The following PDE4D variants were observed in gnomAD, a reference collection of about 807,000 sequenced individuals.
The protein encoded by PDE4D is phosphodiesterase 4D.
A neutral mutation model predicts 87.4 loss-of-function variants in PDE4D; 24 were observed. The observed-to-expected ratio is 0.27, with a 90% confidence interval of 0.20 to 0.39. PDE4D has a LOEUF of 0.39. Among genes scored for constraint, PDE4D ranks in the 10% least tolerant of loss-of-function variants. The pLI is 1.00. For missense variants in PDE4D, 714 were observed against 1,041.0 expected (o/e 0.69, Z 4.32); for synonymous variants, 384 against 383.2 (o/e 1.00, Z -0.02).
chr5:60,438,107 G>A (rs988897422), intron 1 of PDE4D, among the ~76,000 whole-genome samples: 2 of 152,102 alleles, frequency 1.3e-5, no homozygotes, highest in Admixed American at 6.6e-5. Flanking sequence ...GATAGCATTC[G>A]TCTGTTCTGA....
chr5:59,676,243 G>C (rs1257471043), intron 1 of PDE4D, among the ~76,000 whole-genome samples: 5 of 152,120 alleles, frequency 3.3e-5, no homozygotes, highest in East Asian at 1.9e-4. Context: ...TAAGTAACTA[G>C]TTTTAATCAA....
At chr5:59,186,226 T>A (rs1439210917) in intron 3 of PDE4D, among the ~76,000 whole-genome samples, 1 of 152,190 alleles carries the variant, frequency 6.6e-6, no homozygotes, top group African/African-American at 2.4e-5. Flanking sequence ...TGTCTGGCTC[T>A]GTTATGTAGT....
intron 1 of PDE4D, among the ~76,000 whole-genome samples, chr5:59,424,789 G>A (rs1355382579): frequency 6.6e-6 from 1 of 152,148 alleles, no homozygotes; most frequent in African/African-American, 2.4e-5. Context: ...TTGCTATTAG[G>A]ATGAGCTGGT....
chr5:60,284,443 G>T (rs1752224504), intron 1 of PDE4D, among the ~76,000 whole-genome samples: 2 of 152,148 alleles, frequency 1.3e-5, no homozygotes, highest in Non-Finnish European at 1.5e-5. Flanking sequence ...TCACCCCAAA[G>T]TAATCAATGC....
chr5:60,460,020 G>C, intron 1 of PDE4D: 2 of 1,219,032 alleles, frequency 1.6e-6, no homozygotes, highest in Non-Finnish European at 2.4e-6. Flanking sequence ...GAACCAAGTA[G>C]TACTGTAATG....
chr5:60,410,037 T>C (rs1741913382), intron 1 of PDE4D, among the ~76,000 whole-genome samples: 1 of 152,096 alleles, frequency 6.6e-6, no homozygotes, highest in Admixed American at 6.5e-5. Flanking sequence ...CCAAGGACAT[T>C]TGGAGGGAGT....
At chr5:59,658,404 C>T (rs1489513576) in intron 1 of PDE4D, among the ~76,000 whole-genome samples, 3 of 150,764 alleles carry the variant, frequency 2.0e-5, no homozygotes, top group Non-Finnish European at 4.4e-5. Flanking sequence ...TTTTTTGAGA[C>T]GGAGTCTCGC....
In PDE4D at chr5:59,762,513, T is replaced by TATATGGGTACAC. The variant is rs1213862320; in HGVS notation, c.455+130654_455+130655insGTGTACCCATAT. Among the ~76,000 whole-genome samples the TATATGGGTACAC allele has an allele frequency of 7.1e-4, 88 of 124,096 alleles. 3 individuals carry two copies. The highest frequency in any genetic ancestry group is 2.8e-3 in the African/African-American group (80 of 28,148). 81.4% of individuals were successfully genotyped at this position (124,096 alleles called of 152,430 possible). On this transcript the variant is annotated intron_variant, in intron 1 of 14. Coordinates refer to ENST00000340635, the MANE Select transcript of PDE4D (RefSeq NM_001104631.2). ...ATGTGTATATGGGTACACATATGTG[T>TATATGGGTACAC]ATATGTGTATATGGGTACACATGTG...
intron 1 of PDE4D, among the ~76,000 whole-genome samples, chr5:59,744,840 T>C (rs1009860293): frequency 1.3e-4 from 20 of 152,110 alleles, no homozygotes; most frequent in Non-Finnish European, 2.2e-4. Context: ...GCAAAGACAG[T>C]GTTGTATTTT....
At chr5:60,085,626 G>C (rs898145673) in intron 2 of PDE4D, among the ~76,000 whole-genome samples, 5 of 152,202 alleles carry the variant, frequency 3.3e-5, no homozygotes, top group Non-Finnish European at 2.9e-5. Context: ...AGGTAAGAAA[G>C]TGATGGAGGG....
intron 5 of PDE4D, among the ~76,000 whole-genome samples, chr5:59,111,901 A>G (rs1049622581): frequency 1.3e-5 from 2 of 152,220 alleles, no homozygotes; most frequent in Admixed American, 1.3e-4. Context: ...ATATATCTGT[A>G]TCAGTGAACA....
chr5:60,018,296 G>A (rs1181484769), intron 2 of PDE4D, among the ~76,000 whole-genome samples: 1 of 152,114 alleles, frequency 6.6e-6, no homozygotes, highest in Non-Finnish European at 1.5e-5. Flanking sequence ...CAAATGATGA[G>A]GGAATTAGTC....
intron 1 of PDE4D, among the ~76,000 whole-genome samples, chr5:59,810,741 A>AT (rs1359607248): frequency 2.0e-5 from 3 of 152,202 alleles, no homozygotes; most frequent in East Asian, 1.9e-4. Context: ...ACGTATTCCC[A>AT]TTTTTCCGGC....
intron 1 of PDE4D, among the ~76,000 whole-genome samples, chr5:59,542,603 C>G (rs1816548515): frequency 6.6e-6 from 1 of 152,114 alleles, no homozygotes; most frequent in Admixed American, 6.6e-5. Context: ...ACAAAATGCA[C>G]TCATCAAATA....
At chr5:59,033,047 C>A (rs1278432203) in intron 6 of PDE4D, among the ~76,000 whole-genome samples, 1 of 152,140 alleles carries the variant, frequency 6.6e-6, no homozygotes, top group African/African-American at 2.4e-5. Flanking sequence ...ATCATTCATC[C>A]TTATCACATA....
intron 6 of PDE4D, among the ~76,000 whole-genome samples, chr5:59,038,269 A>T (rs1262460935): frequency 6.6e-6 from 1 of 152,192 alleles, no homozygotes. Flanking sequence ...CCTTGTACTA[A>T]ATGACCTCAA....
At chr5:59,200,044 T>C (rs28490233) in intron 2 of PDE4D, among the ~76,000 whole-genome samples, 33 of 46,402 alleles carry the variant, frequency 7.1e-4, no homozygotes, top group Non-Finnish European at 1.4e-3. Context: ...CACACACACG[T>C]ATGTACACAC....
chr5:60,483,590 T>C (rs188305615), intron 1 of PDE4D, among the ~76,000 whole-genome samples: 3 of 152,210 alleles, frequency 2.0e-5, no homozygotes, highest in African/African-American at 2.4e-5. Context: ...TAAATTCCTA[T>C]TGAGAAGTTA....
intron 1 of PDE4D, among the ~76,000 whole-genome samples, chr5:59,786,729 G>T (rs1765215787): frequency 6.6e-6 from 1 of 152,188 alleles, no homozygotes; most frequent in Non-Finnish European, 1.5e-5. Flanking sequence ...GAAGCCTCAG[G>T]CGTTCTCTTG....
Sources: gnomAD v4.1 joint callset for allele counts (sites outside exome capture counted in the v4.1 genomes callset) on GRCh38, gnomAD v4.1.1 for gene constraint, MANE v1.5 for transcripts, NCBI Gene and HGNC (gene_info 2026-07-23, HGNC 2026-07-21) for gene names.